The following CCNJL variants were observed in gnomAD, a reference collection of about 807,000 sequenced individuals.
CCNJL encodes the protein cyclin J like.
Under a neutral mutation model 33.4 loss-of-function variants are expected in CCNJL, and 33 were observed. That is an observed-to-expected ratio of 0.99 (90% CI 0.75 to 1.32). The LOEUF (loss-of-function observed/expected upper bound fraction) is 1.32. Among genes scored for constraint, CCNJL ranks in the 40% most tolerant of loss-of-function variants. The pLI, the probability that CCNJL is intolerant of heterozygous loss-of-function variation, is 0.00. For synonymous variants in CCNJL, 227 were observed against 220.9 expected, an observed-to-expected ratio of 1.03 and a Z score of -0.24; for missense variants, 512 against 499.7, an observed-to-expected ratio of 1.02 and a Z score of -0.23.
chr5:160,304,398 A>G (rs1052269164), intron 2 of CCNJL, among the ~76,000 whole-genome samples: 2 of 152,140 alleles, frequency 1.3e-5, no homozygotes, highest in African/African-American at 4.8e-5. Context: ...TACACCTTCT[A>G]AGACAGCTTG....
intron 1 of CCNJL, among the ~76,000 whole-genome samples, chr5:160,333,666 G>A (rs1270386042): frequency 2.6e-5 from 4 of 151,806 alleles, no homozygotes; most frequent in African/African-American, 9.7e-5. Context: ...CCCTTAGGTG[G>A]AGTTGTTTTC....
rs976478557 is a variant in CCNJL, at chr5:160,249,448, T to C, written c.*3930A>G. ...TTGAGATAATTCTGTTAAATTCATATAGACGTCAGAAAATACTTTTCAAAA... is the reference window on the plus strand; with the variant it reads ...TTGAGATAATTCTGTTAAATTCATACAGACGTCAGAAAATACTTTTCAAAA... On this transcript the variant is annotated 3_prime_UTR_variant, in exon 6 of 6. Transcript: ENST00000257536. 5 of 152,186 alleles carry C rather than the reference T, an allele frequency of 3.3e-5. No individual in the cohort carries two copies. Among genetic ancestry groups the C allele is most frequent in the South Asian group, 2.1e-4 (1 of 4,836 alleles). 9.4% of individuals were successfully genotyped at this position (152,186 alleles called of 1,614,324 possible).
intron 1 of CCNJL, among the ~76,000 whole-genome samples, chr5:160,320,385 G>C (rs183350819): frequency 2.0e-5 from 3 of 152,270 alleles, no homozygotes; most frequent in Admixed American, 2.0e-4. Context: ...GACACAATCT[G>C]GGGGGATAAG....
At chr5:160,272,922 C>A (rs1201630780) in intron 3 of CCNJL, among the ~76,000 whole-genome samples, 1 of 152,138 alleles carries the variant, frequency 6.6e-6, no homozygotes, top group Non-Finnish European at 1.5e-5. Flanking sequence ...AAAGAGATGG[C>A]AACCTGAATG....
chr5:160,333,291 T>A (rs1319636460), intron 1 of CCNJL, among the ~76,000 whole-genome samples: 2 of 151,920 alleles, frequency 1.3e-5, no homozygotes, highest in Non-Finnish European at 2.9e-5. Context: ...CCCGGCTAAT[T>A]TTTTTGTATA....
intron 3 of CCNJL, among the ~76,000 whole-genome samples, chr5:160,260,551 ATCAGT>A (rs1377935029): frequency 6.6e-6 from 1 of 152,118 alleles, no homozygotes; most frequent in Non-Finnish European, 1.5e-5. Flanking sequence ...CCCGGCAGTC[ATCAGT>A]TGTGGATGCT....
At chr5:160,339,373 A>AAAAAC in intron 1 of CCNJL, 2 of 312,898 alleles carry the variant, frequency 6.4e-6, no homozygotes, top group Non-Finnish European at 1.3e-5. Context: ...AAAAAAAAAC[A>AAAAAC]AAAAAAAACG....
intron 3 of CCNJL, 34 bp downstream of exon 3, chr5:160,280,491 A>G (rs1471920644): frequency 1.9e-6 from 3 of 1,542,354 alleles, no homozygotes. Context: ...AGGAGACCGC[A>G]CAAGCGCGGA....
intron 2 of CCNJL, among the ~76,000 whole-genome samples, chr5:160,300,942 A>G (rs1321836031): frequency 1.3e-5 from 2 of 152,326 alleles, no homozygotes; most frequent in African/African-American, 4.8e-5. Flanking sequence ...GCACTCTTCC[A>G]TACCACCACT....
Position 160,270,193 on chromosome 5 carries a change from C to T in CCNJL, c.280+10332G>A, listed in dbSNP as rs190977129. ...GCGCAGTGGCTCACGCCTGTAATCC[C>T]AGCACTTTGGGAGGCCGGGGCGGGC... On this transcript the variant is annotated intron_variant, in intron 3 of 5. Coordinates refer to ENST00000257536, the MANE Select transcript of CCNJL (RefSeq NM_001308173.3). Among the ~76,000 whole-genome samples the T allele has an allele frequency of 4.3e-3, 659 of 152,218 alleles. 1 individual carries two copies. The highest frequency in any genetic ancestry group is 0.016 in the African/African-American group (649 of 41,548).
chr5:160,254,455 T>G, intron 5 of CCNJL: 2 of 498,702 alleles, frequency 4.0e-6, no homozygotes. Flanking sequence ...TTGGGGACCT[T>G]CTCAAAAACA....
At chr5:160,321,082 CTTT>C (rs1561812938) in intron 1 of CCNJL, among the ~76,000 whole-genome samples, 67 of 114,404 alleles carry the variant, frequency 5.9e-4, no homozygotes, top group African/African-American at 1.6e-3. Flanking sequence ...TTCTTTCTTT[CTTT>C]CTTTCCTTCT....
intron 3 of CCNJL, among the ~76,000 whole-genome samples, chr5:160,277,839 G>A (rs1054230180): frequency 4.8e-5 from 7 of 146,160 alleles, no homozygotes; most frequent in African/African-American, 1.9e-4. Flanking sequence ...TCCCTGTCCT[G>A]GGTTCAAGCA....
intron 1 of CCNJL, among the ~76,000 whole-genome samples, chr5:160,334,107 C>A (rs528520806): frequency 6.6e-6 from 1 of 152,204 alleles, no homozygotes; most frequent in Non-Finnish European, 1.5e-5. Context: ...ACAACACTGT[C>A]TTGCCAGCTC....
intron 3 of CCNJL, among the ~76,000 whole-genome samples, chr5:160,260,315 T>TA (rs1761265476): frequency 6.6e-6 from 1 of 152,138 alleles, no homozygotes; most frequent in South Asian, 2.1e-4. Context: ...AACGGGGTCT[T>TA]AGTGTGGGTT....
Position 160,253,302 on chromosome 5 carries a change from T to G in CCNJL, c.*76A>C. ...AGGGATGGCCTCCTGCTGCCTCACT[T>G]GGCTGAGCTCTCCTCTTCAGTGTCC... On this transcript the variant is annotated 3_prime_UTR_variant, in exon 6 of 6. Transcript: ENST00000257536. 2 of 1,430,682 alleles carry G rather than the reference T, an allele frequency of 1.4e-6. No homozygotes were observed. The highest frequency in any genetic ancestry group is 2.3e-5 in the East Asian group (1 of 43,236). 88.6% of individuals were successfully genotyped at this position (1,430,682 alleles called of 1,614,324 possible). A position where few individuals can be genotyped will look rare whatever the true frequency, so the allele number is the denominator to read the frequency against.
chr5:160,275,085 G>GGTTT (rs770612445), intron 3 of CCNJL, among the ~76,000 whole-genome samples: 1 of 113,070 alleles, frequency 8.8e-6, no homozygotes. Context: ...GGATTTGTGT[G>GGTTT]TTTTTTTTTT....
intron 2 of CCNJL, among the ~76,000 whole-genome samples, chr5:160,285,207 C>G (rs1379432878): frequency 2.6e-5 from 4 of 152,080 alleles, no homozygotes; most frequent in African/African-American, 9.7e-5. Context: ...ATCAATCAAT[C>G]AGTCATGGAG....
chr5:160,323,291 C>T (rs1763495975), intron 1 of CCNJL, among the ~76,000 whole-genome samples: 1 of 151,830 alleles, frequency 6.6e-6, no homozygotes, highest in Non-Finnish European at 1.5e-5. Context: ...AGCAGTGTCT[C>T]ACTATGTTGC....
Sources: allele counts gnomAD v4.1 joint callset (sites outside exome capture counted in the v4.1 genomes callset), GRCh38; gene constraint gnomAD v4.1.1; transcripts MANE v1.5; gene names NCBI Gene and HGNC (gene_info 2026-07-23, HGNC 2026-07-21).